Variants in VASH2 observed in about 807,000 individuals in gnomAD.
VASH2 encodes the protein vasohibin 2.
In VASH2, 28 loss-of-function variants were observed where a neutral mutation model predicts 37.2. That is an observed-to-expected ratio of 0.75 (90% CI 0.56 to 1.03). The LOEUF (loss-of-function observed/expected upper bound fraction) is 1.03, where lower values mean the gene tolerates loss of function less well. Among genes scored for constraint, VASH2 ranks in the 50% least tolerant of loss-of-function variants. The pLI is 0.00. For synonymous variants in VASH2, 188 were observed against 174.7 expected, an observed-to-expected ratio of 1.08 and a Z score of -0.60; for missense variants, 419 against 459.1, an observed-to-expected ratio of 0.91 and a Z score of 0.80.
rs199579781 is a variant in VASH2, at chr1:212,972,606, T to C, written c.524T>C (p.Ile175Thr). The C allele has an allele frequency of 1.2e-4, 196 of 1,614,054 alleles. No individual in the cohort carries two copies. The highest frequency in any genetic ancestry group is 8.0e-5 in the African/African-American group (6 of 75,028). ...TACTTAACCAATGGGCAGCCTTCCA[T>C]TGAGCGGTTCCCCATCAGCTTTAAA... is the stretch of plus-strand genomic sequence containing the variant. The part of the protein sequence containing the change: ...GIYLTNGQPS[I>T]ERFPISFKTY... The change falls in exon 6 of 8, where the codon ATT becomes ACT. Residue 175 changes from isoleucine (I) to threonine (T), a missense_variant. Transcript: ENST00000517399.
chr1:212,957,597 T>C (rs1666534841), intron 2 of VASH2, among the ~76,000 whole-genome samples: 1 of 151,518 alleles, frequency 6.6e-6, no homozygotes, highest in Admixed American at 6.6e-5. Flanking sequence ...ATATTGGTGA[T>C]GAATAATACA....
chr1:212,953,770 G>C (rs114248263), intron 2 of VASH2, among the ~76,000 whole-genome samples: 3,854 of 152,222 alleles, frequency 0.025, 68 homozygotes, highest in African/African-American at 0.055. Flanking sequence ...TGAGTCTCCA[G>C]GTCACTAATG....
Position 212,961,231 on chromosome 1 carries a change from C to T in VASH2, c.342C>T (p.Ile114=). 6.2e-7 allele frequency: 1 copy of T among 1,614,202 alleles called. No homozygotes were observed. The highest frequency in any genetic ancestry group is 8.5e-7 in the Non-Finnish European group (1 of 1,180,032). Residue 114 remains isoleucine (I), a synonymous_variant, in exon 3 of 8, where the codon ATC becomes ATT. Transcript: ENST00000517399. ...CGATCCCAGACTGGCTCCAGGCGAT[C>T]CAGAATTACATGAAGACCCTACAGT... The part of the protein sequence containing the change: ...SMTIPDWLQA[I]QNYMKTLQYN...
chr1:212,987,051 G>A (rs1187386742), intron 7 of VASH2, among the ~76,000 whole-genome samples: 1 of 151,994 alleles, frequency 6.6e-6, no homozygotes, highest in South Asian at 2.1e-4. Flanking sequence ...GAGAGAGAGA[G>A]AGAGAAAAGG....
At chr1:212,959,619 G>A (rs1302648692) in intron 2 of VASH2, among the ~76,000 whole-genome samples, 1 of 152,238 alleles carries the variant, frequency 6.6e-6, no homozygotes, top group Non-Finnish European at 1.5e-5. Flanking sequence ...AGTAAGTGTA[G>A]GCAGCGGGGT....
At chr1:212,984,405 GA>G (rs1178722556) in intron 7 of VASH2, among the ~76,000 whole-genome samples, 2 of 152,202 alleles carry the variant, frequency 1.3e-5, no homozygotes, top group Non-Finnish European at 1.5e-5. Flanking sequence ...CCATGACAGG[GA>G]TGAGCGGGTG....
chr1:212,988,577 G>T lies in VASH2; in HGVS notation c.1061G>T (p.Arg354Leu). The part of the protein sequence containing the change: ...STLNEVGYQI[R>L]I ...CTGAATGAAGTGGGCTATCAAATCC[G>T]AATTTAGCCAAGCCATACCGGCCAG... Residue 354 changes from arginine (R) to leucine (L), a missense_variant, in exon 8 of 8, where the codon CGA (arginine) becomes CTA (leucine). Physicochemically the swap from Arg to Leu is moderately radical, Grantham distance 102. This residue lies in a region of VASH2 where 177 missense variants were observed against 166.2 expected (regional missense o/e 1.06). Coordinates refer to ENST00000517399, the MANE Select transcript of VASH2 (RefSeq NM_001301056.2). 2 of 1,614,008 alleles carry T rather than the reference G, an allele frequency of 1.2e-6. No homozygotes were observed. Among genetic ancestry groups the T allele is most frequent in the Non-Finnish European group, 8.5e-7 (1 of 1,179,958 alleles).
intron 5 of VASH2, among the ~76,000 whole-genome samples, chr1:212,970,060 G>C (rs897201312): frequency 1.4e-4 from 21 of 152,176 alleles, no homozygotes; most frequent in Non-Finnish European, 2.6e-4. Context: ...GGCCATGGTG[G>C]GGCTTGCTTG....
At chr1:212,976,153 G>A (rs193132529) in intron 7 of VASH2, among the ~76,000 whole-genome samples, 40 of 152,250 alleles carry the variant, frequency 2.6e-4, no homozygotes, top group Admixed American at 7.8e-4. Flanking sequence ...GTGCATCTTC[G>A]GCATTGGGGG....
chr1:212,961,968 T>A (rs1666694005), intron 3 of VASH2, among the ~76,000 whole-genome samples: 1 of 152,216 alleles, frequency 6.6e-6, no homozygotes, highest in Admixed American at 6.5e-5. Flanking sequence ...TTTGCCCTCA[T>A]CCCTAACTGC....
intron 3 of VASH2, among the ~76,000 whole-genome samples, chr1:212,965,141 G>A (rs1010758404): frequency 6.6e-6 from 1 of 152,110 alleles, no homozygotes; most frequent in Admixed American, 6.5e-5. Flanking sequence ...GGCTGGTGTC[G>A]AACTCCTGAC....
At chr1:212,962,128 A>G (rs750064979) in intron 3 of VASH2, among the ~76,000 whole-genome samples, 3 of 152,080 alleles carry the variant, frequency 2.0e-5, no homozygotes, top group Non-Finnish European at 4.4e-5. Flanking sequence ...TAAGAAACTC[A>G]CTGGGTTCAG....
intron 2 of VASH2, among the ~76,000 whole-genome samples, chr1:212,959,689 G>T (rs914953944): frequency 6.6e-6 from 1 of 152,256 alleles, no homozygotes; most frequent in Non-Finnish European, 1.5e-5. Flanking sequence ...GCCTCACACT[G>T]GGGCTGGCGC....
rs918749823 is a variant in VASH2 at position 212,989,522 on chromosome 1, A to AT, written c.*943dup. 1 of 152,176 alleles carries AT rather than the reference A, an allele frequency of 6.6e-6. No homozygotes were observed. Among genetic ancestry groups the AT allele is most frequent in the Non-Finnish European group, 1.5e-5 (1 of 68,024 alleles). The allele number at this position is 152,176 out of a possible 1,614,324, so 9.4% of individuals were successfully genotyped here. A position where few individuals can be genotyped will look rare whatever the true frequency, so the allele number is the denominator to read the frequency against. On this transcript the variant is annotated 3_prime_UTR_variant, in exon 8 of 8. Coordinates refer to ENST00000517399, the MANE Select transcript of VASH2 (RefSeq NM_001301056.2). ...AACCTTTCTGTTCACATTTCATCTGATTTTTAAACTGAGGCAGGCTTTGAT... is the reference window on the plus strand; with the variant it reads ...AACCTTTCTGTTCACATTTCATCTGATTTTTTAAACTGAGGCAGGCTTTGAT...
chr1:212,987,051 G>GA (rs1667498450), intron 7 of VASH2, among the ~76,000 whole-genome samples: 1 of 151,994 alleles, frequency 6.6e-6, no homozygotes, highest in Non-Finnish European at 1.5e-5. Context: ...GAGAGAGAGA[G>GA]AGAGAAAAGG....
Position 212,971,842 on chromosome 1 carries a change from G to T in VASH2, c.498-738G>T, listed in dbSNP as rs570851028. Among the ~76,000 whole-genome samples, 20 of 152,026 alleles carry T rather than the reference G, an allele frequency of 1.3e-4. No homozygotes were observed. The highest frequency in any genetic ancestry group is 1.3e-3 in the South Asian group (6 of 4,796). ...AGGCAGTGCACATCCACAATCTAAG[G>T]TTCGTTCTTTCTGTAAGCATTAAAC... On this transcript the variant is annotated intron_variant, in intron 5 of 7. Coordinates refer to ENST00000517399, the MANE Select transcript of VASH2 (RefSeq NM_001301056.2). The surrounding 1 kb of genome is among the most constrained non-coding windows in gnomAD (Gnocchi z 4.0).
chr1:212,968,385 G>A (rs868200126), intron 5 of VASH2: 2 of 985,374 alleles, frequency 2.0e-6, no homozygotes, highest in Middle Eastern at 5.2e-4. Context: ...TCAGTGGAAG[G>A]ACATGTGGCT....
chr1:212,967,341 G>A, intron 5 of VASH2: 1 of 1,224,206 alleles, frequency 8.2e-7, no homozygotes, highest in Admixed American at 2.7e-5. Flanking sequence ...GAAATTGTGG[G>A]GATAGACCCA....
intron 5 of VASH2, chr1:212,969,310 A>G: frequency 1.9e-6 from 1 of 522,786 alleles, no homozygotes; most frequent in Non-Finnish European, 2.4e-6. Flanking sequence ...CTCCTGCCTC[A>G]GCCTCCCCAG....
Sources: gnomAD v4.1 joint callset for allele counts (sites outside exome capture counted in the v4.1 genomes callset) on GRCh38, gnomAD v4.1.1 for gene constraint, gnomAD v4.1.1 regional missense constraint, Gnocchi (gnomAD v3.1) non-coding constraint, MANE v1.5 for transcripts, NCBI Gene and HGNC (gene_info 2026-07-23, HGNC 2026-07-21) for gene names.